Variants in CCSER1 observed in about 807,000 individuals in gnomAD.
The protein encoded by CCSER1 is coiled-coil serine rich protein 1.
CCSER1 carries 41 observed loss-of-function variants against 82.0 expected under a neutral mutation model. The ratio of observed to expected loss-of-function variants is 0.50; its 90% CI spans 0.39 to 0.65. CCSER1 has a LOEUF of 0.65. CCSER1 is among the 30% of genes least tolerant of loss of function. The pLI, the probability that CCSER1 is intolerant of heterozygous loss-of-function variation, is 0.00. For synonymous variants in CCSER1, 414 were observed against 383.9 expected (o/e 1.08, Z -0.92); for missense variants, 1,119 against 1,064.2 (o/e 1.05, Z -0.72).
At chr4:91,563,023 G>T (rs946448371) in intron 10 of CCSER1, among the ~76,000 whole-genome samples, 6 of 151,462 alleles carry the variant, frequency 4.0e-5, no homozygotes, top group Non-Finnish European at 7.4e-5. Flanking sequence ...CCAATAACAA[G>T]TAAGGAAATT....
At chr4:91,450,704 G>A (rs1416503878) in intron 10 of CCSER1, among the ~76,000 whole-genome samples, 1 of 151,994 alleles carries the variant, frequency 6.6e-6, no homozygotes, top group Non-Finnish European at 1.5e-5. Context: ...GTGCAAGTGA[G>A]ATGAGAGAAT....
chr4:90,491,658 A>G (rs1224435017), intron 5 of CCSER1, among the ~76,000 whole-genome samples: 1 of 152,176 alleles, frequency 6.6e-6, no homozygotes, highest in Admixed American at 6.5e-5. Flanking sequence ...TGGGTTTGCC[A>G]TAAATAGCTC....
Position 90,876,565 on chromosome 4 carries a change from G to T in CCSER1, c.2095-46805G>T, listed in dbSNP as rs534167246. Among the ~76,000 whole-genome samples, 8 of 152,202 alleles carry T rather than the reference G, an allele frequency of 5.3e-5. No homozygotes were observed. In the South Asian group the frequency reaches 1.7e-3, roughly 32 times the overall value. The stretch of plus-strand genomic sequence containing the variant: ...AGAACCCAAATATCTCTGAGAGTTT[G>T]CTCTCACAACATCTAACTAATCATC... On this transcript the variant is annotated intron_variant, in intron 8 of 10. Transcript: ENST00000509176.
At chr4:90,963,901 A>G (rs1056575969) in intron 9 of CCSER1, among the ~76,000 whole-genome samples, 1 of 152,216 alleles carries the variant, frequency 6.6e-6, no homozygotes, top group Admixed American at 6.5e-5. Context: ...GAGTTGTCAA[A>G]TATTCTTTTT....
Position 90,587,312 on chromosome 4 carries a change from G to A in CCSER1, c.1725-40713G>A, listed in dbSNP as rs950954628. Among the ~76,000 whole-genome samples, 13 of 152,200 alleles carry A rather than the reference G, an allele frequency of 8.5e-5. No individual in the cohort carries two copies. The South Asian group carries it at 2.5e-3, about 29-fold the overall frequency. On this transcript the variant is annotated intron_variant, in intron 5 of 10. Transcript: ENST00000509176. ...TAGAACTCTATTATAGCAACCATAGGAAATTAATAAAAATGCCTGGCCGGA... is the reference window on the plus strand; with the variant it reads ...TAGAACTCTATTATAGCAACCATAGAAAATTAATAAAAATGCCTGGCCGGA...
intron 10 of CCSER1, among the ~76,000 whole-genome samples, chr4:91,357,230 C>A (rs573323212): frequency 6.6e-6 from 1 of 152,154 alleles, no homozygotes; most frequent in Admixed American, 6.5e-5. Context: ...GATTTTTATG[C>A]CAGATAAGTT....
At position 90,331,084 on chromosome 4, in the gene CCSER1, T is replaced by C. The variant is rs187422865; in HGVS notation, c.1509+18037T>C. The stretch of plus-strand genomic sequence containing the variant: ...AGCTTTGCTAAAAATTTCTATATTA[T>C]TTAAAAAATAAGAATACTTTTACCA... On this transcript the variant is annotated intron_variant, in intron 3 of 10. Transcript: ENST00000509176. 2.0e-5 allele frequency among the ~76,000 whole-genome samples: 3 copies of C among 152,162 alleles called. No homozygotes were observed. In the East Asian group the frequency reaches 5.8e-4, roughly 29 times the overall value.
intron 6 of CCSER1, among the ~76,000 whole-genome samples, chr4:90,715,620 T>C (rs1018758014): frequency 6.6e-6 from 1 of 152,048 alleles, no homozygotes; most frequent in Non-Finnish European, 1.5e-5. Context: ...AAAAAGCTGC[T>C]TTCTGTCCTC....
chr4:90,613,405 G>A (rs1720618311), intron 5 of CCSER1, among the ~76,000 whole-genome samples: 1 of 152,126 alleles, frequency 6.6e-6, no homozygotes, highest in Non-Finnish European at 1.5e-5. Flanking sequence ...ATTACCAAAT[G>A]TAGTATCCTT....
intron 6 of CCSER1, among the ~76,000 whole-genome samples, chr4:90,638,094 T>C: frequency 6.6e-6 from 1 of 152,102 alleles, no homozygotes; most frequent in East Asian, 1.9e-4. Context: ...CTTTTGAAAT[T>C]TTAATTGTTT....
At chr4:90,553,128 C>T (rs1425491503) in intron 5 of CCSER1, among the ~76,000 whole-genome samples, 1 of 152,108 alleles carries the variant, frequency 6.6e-6, no homozygotes, top group Non-Finnish European at 1.5e-5. Context: ...CACCACCACG[C>T]CTAGCTAATT....
At chr4:90,394,967 G>A (rs886472154) in intron 3 of CCSER1, among the ~76,000 whole-genome samples, 2 of 152,110 alleles carry the variant, frequency 1.3e-5, no homozygotes, top group African/African-American at 2.4e-5. Flanking sequence ...CAATTTTCAA[G>A]TATACAACAC....
intron 9 of CCSER1, among the ~76,000 whole-genome samples, chr4:91,061,424 C>T (rs1454941322): frequency 1.3e-5 from 2 of 151,964 alleles, no homozygotes; most frequent in South Asian, 2.1e-4. Flanking sequence ...GCCCTCTCCA[C>T]CAGGTTTTTT....
At chr4:90,671,278 C>T (rs1732759381) in intron 6 of CCSER1, among the ~76,000 whole-genome samples, 2 of 151,978 alleles carry the variant, frequency 1.3e-5, no homozygotes, top group East Asian at 1.9e-4. Flanking sequence ...CTCTGTAGCA[C>T]GTGATGCTGT....
chr4:90,186,235 T>C (rs1734586894), intron 1 of CCSER1, among the ~76,000 whole-genome samples: 1 of 151,998 alleles, frequency 6.6e-6, no homozygotes, highest in Non-Finnish European at 1.5e-5. Flanking sequence ...TATGTGTCCC[T>C]TCTCTCATAA....
intron 10 of CCSER1, among the ~76,000 whole-genome samples, chr4:91,359,177 A>G (rs2149310126): frequency 6.7e-6 from 1 of 150,074 alleles, no homozygotes; most frequent in South Asian, 2.1e-4. Flanking sequence ...TGCATGCACC[A>G]GTGGTCAGAG....
intron 1 of CCSER1, among the ~76,000 whole-genome samples, chr4:90,303,632 C>G (rs972672540): frequency 6.6e-6 from 1 of 151,792 alleles, no homozygotes; most frequent in African/African-American, 2.4e-5. Context: ...CTTCCTTACA[C>G]CTTATACAAA....
intron 8 of CCSER1, among the ~76,000 whole-genome samples, chr4:90,913,702 G>A (rs1403843208): frequency 6.6e-6 from 1 of 152,070 alleles, no homozygotes; most frequent in Non-Finnish European, 1.5e-5. Flanking sequence ...CTGGCAAATT[G>A]GATAAAGAGT....
At chr4:91,073,898 C>T (rs1447261350) in intron 9 of CCSER1, among the ~76,000 whole-genome samples, 2 of 152,050 alleles carry the variant, frequency 1.3e-5, no homozygotes, top group African/African-American at 2.4e-5. Flanking sequence ...TCTATATCCT[C>T]CTCCCGATAA....
Sources: gnomAD v4.1 joint callset for allele counts (sites outside exome capture counted in the v4.1 genomes callset) on GRCh38, gnomAD v4.1.1 for gene constraint, MANE v1.5 for transcripts, NCBI Gene and HGNC (gene_info 2026-07-23, HGNC 2026-07-21) for gene names.